The following NAV2 variants were observed in gnomAD, a reference collection of about 807,000 sequenced individuals.
The protein encoded by NAV2 is neuron navigator 2.
In NAV2, 54 loss-of-function variants were observed where a neutral mutation model predicts 223.2. The observed-to-expected ratio is 0.24, with a 90% CI of 0.19 to 0.30. The LOEUF (loss-of-function observed/expected upper bound fraction) is 0.30. Among genes scored for constraint, NAV2 ranks in the 10% least tolerant of loss-of-function variants. The pLI, the probability that NAV2 is intolerant of heterozygous loss-of-function variation, is 1.00. For missense variants in NAV2, 2,806 were observed against 3,147.5 expected (o/e 0.89, Z 2.60); for synonymous variants, 1,279 against 1,239.3 (o/e 1.03, Z -0.67).
At chr11:19,776,761 G>GT (rs1590437618) in intron 1 of NAV2, among the ~76,000 whole-genome samples, 1 of 151,648 alleles carries the variant, frequency 6.6e-6, no homozygotes. Context: ...GTCAACTTGC[G>GT]TGAGTTCTGT....
At chr11:19,443,682 T>C (rs1207579746) in intron 1 of NAV2, among the ~76,000 whole-genome samples, 1 of 152,220 alleles carries the variant, frequency 6.6e-6, no homozygotes, top group African/African-American at 2.4e-5. Flanking sequence ...AGCTCTGCTT[T>C]CTACAAGACC....
At chr11:19,931,221 A>T (rs2045302705) in intron 6 of NAV2, among the ~76,000 whole-genome samples, 1 of 152,210 alleles carries the variant, frequency 6.6e-6, no homozygotes, top group South Asian at 2.1e-4. Context: ...ACAGGCCAGC[A>T]GTGTGGGTGG....
At chr11:19,608,074 T>A (rs1432055271) in intron 1 of NAV2, among the ~76,000 whole-genome samples, 2 of 152,200 alleles carry the variant, frequency 1.3e-5, no homozygotes, top group Non-Finnish European at 1.5e-5. Context: ...CAACCCTGGT[T>A]ACCCATCAAT....
chr11:19,357,772 T>A (rs759173790), intron 1 of NAV2, among the ~76,000 whole-genome samples: 8 of 152,244 alleles, frequency 5.3e-5, no homozygotes, highest in Non-Finnish European at 8.8e-5. Context: ...TCTTCCTTTA[T>A]GTAGCAATCC....
rs766978066 is a variant in NAV2 at position 20,071,413 on chromosome 11, A to G, written c.4983+3015A>G. Among the ~76,000 whole-genome samples, 157 of 152,298 alleles carry G rather than the reference A, an allele frequency of 1.0e-3. No individual in the cohort carries two copies. In the Middle Eastern group the frequency reaches 0.02, roughly 20 times the overall value. The stretch of plus-strand genomic sequence containing the variant: ...CTTTGCTATTGTGAACAGTGCTGCA[A>G]TAAACATACGTGTGCATGCGTCTTT... On this transcript the variant is annotated intron_variant, in intron 22 of 37. Transcript: ENST00000349880.
intron 1 of NAV2, among the ~76,000 whole-genome samples, chr11:19,526,444 A>G (rs990483280): frequency 6.6e-6 from 1 of 151,798 alleles, no homozygotes; most frequent in African/African-American, 2.4e-5. Flanking sequence ...TTCTCTTTCT[A>G]AAGTCAGCTT....
At chr11:19,643,853 C>T (rs1392649872) in intron 1 of NAV2, among the ~76,000 whole-genome samples, 1 of 152,176 alleles carries the variant, frequency 6.6e-6, no homozygotes, top group Non-Finnish European at 1.5e-5. Context: ...TAATGATCAC[C>T]ATTCTAACTG....
chr11:19,919,087 C>T (rs187339869), intron 6 of NAV2, among the ~76,000 whole-genome samples: 29 of 152,152 alleles, frequency 1.9e-4, no homozygotes, highest in Admixed American at 1.3e-4. Context: ...AAACATGCAA[C>T]GTTGTGGTTA....
upstream of NAV2, among the ~76,000 whole-genome samples, chr11:19,346,005 T>C (rs927376794): frequency 6.6e-6 from 1 of 152,114 alleles, no homozygotes; most frequent in Non-Finnish European, 1.5e-5. Flanking sequence ...GATCCTTCTG[T>C]AGGCGTCTCT....
chr11:19,831,463 A>G (rs542626471), intron 1 of NAV2, among the ~76,000 whole-genome samples: 1 of 152,176 alleles, frequency 6.6e-6, no homozygotes, highest in African/African-American at 2.4e-5. Flanking sequence ...TTGAGGCAGG[A>G]CATTCTCCTT....
chr11:19,951,245 T>G (rs1444999021), intron 10 of NAV2, among the ~76,000 whole-genome samples: 2 of 152,040 alleles, frequency 1.3e-5, no homozygotes, highest in African/African-American at 4.8e-5. Context: ...GAGAGAAACT[T>G]TCACTTCTGA....
intron 1 of NAV2, among the ~76,000 whole-genome samples, chr11:19,630,947 A>T (rs12795431): frequency 1.0e-4 from 15 of 145,520 alleles, no homozygotes; most frequent in African/African-American, 3.7e-4. Flanking sequence ...AGGAAAAAAG[A>T]AAAAAAAAAG....
chr11:19,845,965 A>T (rs990925351), intron 3 of NAV2, among the ~76,000 whole-genome samples: 1 of 152,238 alleles, frequency 6.6e-6, no homozygotes, highest in African/African-American at 2.4e-5. Flanking sequence ...AAGAACTCAG[A>T]TAAGTGGGCA....
At chr11:19,813,396 G>T (rs1246851249) in intron 1 of NAV2, among the ~76,000 whole-genome samples, 1 of 152,178 alleles carries the variant, frequency 6.6e-6, no homozygotes, top group Admixed American at 6.5e-5. Flanking sequence ...TGGGCCAAGT[G>T]GGGGAATGAT....
chr11:19,537,616 C>T (rs1267529519), intron 1 of NAV2, among the ~76,000 whole-genome samples: 1 of 152,202 alleles, frequency 6.6e-6, no homozygotes. Context: ...CAGCAGCCAC[C>T]AAGTGGACTG....
chr11:20,106,157 ATATATATATATATATATATGTGTGTG>A (rs1489765435), intron 35 of NAV2, among the ~76,000 whole-genome samples: 73 of 9,686 alleles, frequency 7.5e-3, no homozygotes, highest in African/African-American at 0.011. Context: ...GTGTGTGTGT[ATATATATATATATATATATGTGTGTG>A]TATATATATA....
intron 1 of NAV2, among the ~76,000 whole-genome samples, chr11:19,369,749 C>G (rs1174748965): frequency 1.3e-5 from 2 of 152,190 alleles, no homozygotes; most frequent in African/African-American, 2.4e-5. Context: ...CTCTTGCAAA[C>G]CCATGTCCTC....
chr11:20,026,387 C>T (rs892988592), intron 11 of NAV2, among the ~76,000 whole-genome samples: 3 of 151,996 alleles, frequency 2.0e-5, no homozygotes, highest in Middle Eastern at 6.8e-3. Flanking sequence ...CTCGTCTCAC[C>T]GCAAGCTCTG....
chr11:19,821,027 C>T (rs2059342018), intron 1 of NAV2, among the ~76,000 whole-genome samples: 1 of 152,186 alleles, frequency 6.6e-6, no homozygotes, highest in Admixed American at 6.5e-5. Context: ...CTTTGGGAGG[C>T]CGAGGCGGGC....
Sources: allele counts gnomAD v4.1 joint callset (sites outside exome capture counted in the v4.1 genomes callset), GRCh38; gene constraint gnomAD v4.1.1; transcripts MANE v1.5; gene names NCBI Gene and HGNC (gene_info 2026-07-23, HGNC 2026-07-21).